ARHGAP25: variants seen among roughly 807,000 people sequenced by gnomAD.
ARHGAP25 encodes Rho GTPase activating protein 25.
ARHGAP25 carries 34 observed loss-of-function variants against 71.0 expected under a neutral mutation model. That is an observed-to-expected ratio of 0.48 (90% CI 0.36 to 0.64). The LOEUF is 0.64. Ranked by LOEUF, ARHGAP25 falls within the 30% of genes least tolerant of loss-of-function variation. The pLI is 0.00. For missense variants in ARHGAP25, 706 were observed against 805.1 expected (o/e 0.88, Z 1.49); for synonymous variants, 282 against 296.5 (o/e 0.95, Z 0.50).
At chr2:68,757,262 A>G (rs1475422569) in intron 1 of ARHGAP25, among the ~76,000 whole-genome samples, 6 of 152,202 alleles carry the variant, frequency 3.9e-5, no homozygotes, top group Non-Finnish European at 8.8e-5. Context: ...TGAAGAAATA[A>G]TGATGGAAAA....
At chr2:68,760,049 A>G (rs939043821) in intron 1 of ARHGAP25, among the ~76,000 whole-genome samples, 5 of 152,098 alleles carry the variant, frequency 3.3e-5, no homozygotes, top group African/African-American at 9.6e-5. Flanking sequence ...GAATCAGTCA[A>G]TTTCATTAAT....
intron 4 of ARHGAP25, among the ~76,000 whole-genome samples, chr2:68,788,524 T>C (rs1678922274): frequency 6.6e-6 from 1 of 152,206 alleles, no homozygotes; most frequent in African/African-American, 2.4e-5. Context: ...CATTCAACAC[T>C]TTTCTGGGTT....
At chr2:68,752,241 T>C (rs1232118118) in intron 1 of ARHGAP25, among the ~76,000 whole-genome samples, 1 of 152,078 alleles carries the variant, frequency 6.6e-6, no homozygotes. Flanking sequence ...GTTCATGAAA[T>C]CAGCTATGGA....
intron 1 of ARHGAP25, among the ~76,000 whole-genome samples, chr2:68,747,386 G>T (rs1675898207): frequency 6.6e-6 from 1 of 152,112 alleles, no homozygotes; most frequent in Non-Finnish European, 1.5e-5. Flanking sequence ...AAATTATTAA[G>T]AATTTCAACA....
At chr2:68,716,069 A>G (rs1356869643) in intron 2 of ARHGAP25, among the ~76,000 whole-genome samples, 1 of 152,078 alleles carries the variant, frequency 6.6e-6, no homozygotes, top group African/African-American at 2.4e-5. Flanking sequence ...CCCTCTGCTA[A>G]TGTTACTTCC....
rs138743961 is a variant in ARHGAP25, at chr2:68,807,611, A to G, written c.674+131A>G. 7.6e-5 allele frequency: 70 copies of G among 916,334 alleles called. No individual in the cohort carries two copies. In the African/African-American group the frequency reaches 9.3e-4, roughly 12 times the overall value. 56.8% of individuals were successfully genotyped at this position (916,334 alleles called of 1,614,324 possible). On this transcript the variant is annotated intron_variant, in intron 5 of 10. Transcript: ENST00000409202. Reference sequence around the variant, plus strand: ...CTAAGAGCCCTGGCTTACAACAGAAAGAGCCTTTGTTTCGCCCATGATTGG... The same window carrying G: ...CTAAGAGCCCTGGCTTACAACAGAAGGAGCCTTTGTTTCGCCCATGATTGG...
At chr2:68,798,006 C>G (rs1679691167) in intron 4 of ARHGAP25, among the ~76,000 whole-genome samples, 1 of 152,152 alleles carries the variant, frequency 6.6e-6, no homozygotes, top group Non-Finnish European at 1.5e-5. Flanking sequence ...CAAGTTCTTT[C>G]TTGAACACTG....
In ARHGAP25 at chr2:68,816,370, G is replaced by T. The variant is rs757504661; in HGVS notation, c.881+8G>T. The T allele has an allele frequency of 1.9e-6, 3 of 1,607,096 alleles. No homozygotes were observed. Among genetic ancestry groups the T allele is most frequent in the Non-Finnish European group, 2.6e-6 (3 of 1,173,914 alleles). ...CCTGAGCTACATCTGCAGGTGAGAG[G>T]CCCCTGGTATCAACTCTGCAGTTTT... On this transcript the variant is annotated splice_region_variant and intron_variant, in intron 7 of 10. Transcript: ENST00000409202.
At chr2:68,753,663 T>A (rs1312752698) in intron 1 of ARHGAP25, among the ~76,000 whole-genome samples, 1 of 152,202 alleles carries the variant, frequency 6.6e-6, no homozygotes, top group Non-Finnish European at 1.5e-5. Flanking sequence ...TTTAGCTTGA[T>A]GTTGCTCTTG....
chr2:68,793,315 C>T (rs1679322391), intron 4 of ARHGAP25, among the ~76,000 whole-genome samples: 1 of 152,070 alleles, frequency 6.6e-6, no homozygotes, highest in Non-Finnish European at 1.5e-5. Context: ...GCGGCCTGTG[C>T]TTTTGAGGCC....
intron 2 of ARHGAP25, among the ~76,000 whole-genome samples, chr2:68,779,515 T>A (rs1414302846): frequency 6.6e-6 from 1 of 152,226 alleles, no homozygotes; most frequent in Non-Finnish European, 1.5e-5. Flanking sequence ...TAAGTTCTCA[T>A]GAGCCAATAT....
chr2:68,782,191 A>T (rs760556733), intron 2 of ARHGAP25, 42 bp from the exon 3 acceptor site: 5 of 1,574,042 alleles, frequency 3.2e-6, no homozygotes, highest in Non-Finnish European at 4.4e-6. Flanking sequence ...AGTTTATATT[A>T]AATTGCTGCT....
intron 4 of ARHGAP25, among the ~76,000 whole-genome samples, chr2:68,797,443 A>G (rs1449477461): frequency 6.6e-6 from 1 of 152,152 alleles, no homozygotes; most frequent in Non-Finnish European, 1.5e-5. Flanking sequence ...GGCAGGCTGC[A>G]CCTAGTCCAC....
chr2:68,731,102 C>T (rs1045295838), upstream of ARHGAP25, among the ~76,000 whole-genome samples: 4 of 152,070 alleles, frequency 2.6e-5, no homozygotes, highest in Non-Finnish European at 5.9e-5. Context: ...ATGGAGTAAA[C>T]GAGTGAATGA....
At chr2:68,769,944 A>G (rs1368285460) in intron 1 of ARHGAP25, among the ~76,000 whole-genome samples, 1 of 152,214 alleles carries the variant, frequency 6.6e-6, no homozygotes, top group Non-Finnish European at 1.5e-5. Flanking sequence ...TTCATCGTTT[A>G]GGAGGGAGAT....
intron 2 of ARHGAP25, among the ~76,000 whole-genome samples, chr2:68,725,896 G>A (rs1674871058): frequency 6.6e-6 from 1 of 152,002 alleles, no homozygotes; most frequent in Non-Finnish European, 1.5e-5. Context: ...TCCCACATAG[G>A]TTTACCTGGC....
At chr2:68,788,613 G>A (rs907164086) in intron 4 of ARHGAP25, among the ~76,000 whole-genome samples, 3 of 152,108 alleles carry the variant, frequency 2.0e-5, no homozygotes, top group Non-Finnish European at 2.9e-5. Flanking sequence ...TAAAGAAAAC[G>A]GATGCAAAAA....
Position 68,822,454 on chromosome 2 carries a change from A to G in ARHGAP25, c.1315A>G (p.Lys439Glu). Residue 439 changes from lysine to glutamate, a missense_variant, in exon 10 of 11, where the codon AAA becomes GAA. Physicochemically the swap from Lys to Glu is moderately conservative, Grantham distance 56 (BLOSUM62 1). Transcript: ENST00000409202. ...AGGAGACTGGAAAATGCAATCTCGTAAAAGGACTCAAACACTCCCTAACCG... is the reference window on the plus strand; with the variant it reads ...AGGAGACTGGAAAATGCAATCTCGTGAAAGGACTCAAACACTCCCTAACCG... ...KPGDWKMQSRKRTQTLPNRKC... is the reference protein window; with the variant it reads ...KPGDWKMQSRERTQTLPNRKC... 1 of 1,614,216 alleles carries G rather than the reference A, an allele frequency of 6.2e-7. No homozygotes were observed. The highest frequency in any genetic ancestry group is 8.5e-7 in the Non-Finnish European group (1 of 1,180,022).
chr2:68,775,056 G>T, intron 1 of ARHGAP25, 165 bp from the exon 2 acceptor site: 1 of 1,525,346 alleles, frequency 6.6e-7, no homozygotes, highest in Non-Finnish European at 8.8e-7. Flanking sequence ...TGCTTCTCTG[G>T]CTCGGGGGGG....
Sources: allele counts gnomAD v4.1 joint callset (sites outside exome capture counted in the v4.1 genomes callset), GRCh38; gene constraint gnomAD v4.1.1; transcripts MANE v1.5; gene names NCBI Gene and HGNC (gene_info 2026-07-23, HGNC 2026-07-21).